The following RGS7 variants were observed in gnomAD, a reference collection of about 807,000 sequenced individuals.
RGS7 encodes the protein regulator of G-protein signaling 7.
A neutral mutation model predicts 81.1 loss-of-function variants in RGS7; 27 were observed. The observed-to-expected ratio is 0.33, with a 90% confidence interval of 0.25 to 0.46. The LOEUF is 0.46. Ranked by LOEUF, RGS7 falls within the 20% of genes least tolerant of loss-of-function variation. The pLI is 1.00. For missense variants in RGS7, 396 were observed against 607.4 expected (o/e 0.65, Z 3.66); for synonymous variants, 208 against 207.7 (o/e 1.00, Z -0.01).
intron 2 of RGS7, among the ~76,000 whole-genome samples, chr1:241,113,998 TTA>T (rs1357336829): frequency 6.6e-6 from 1 of 152,234 alleles, no homozygotes; most frequent in Non-Finnish European, 1.5e-5. Flanking sequence ...AGGATAAATA[TTA>T]GTTTAATTAC....
intron 11 of RGS7, among the ~76,000 whole-genome samples, chr1:240,815,300 C>G (rs560060276): frequency 6.6e-6 from 1 of 152,150 alleles, no homozygotes; most frequent in African/African-American, 2.4e-5. Context: ...TGAGATCACA[C>G]CACTGCACTC....
chr1:240,943,845 C>G (rs2148405449), intron 4 of RGS7, among the ~76,000 whole-genome samples: 2 of 152,066 alleles, frequency 1.3e-5, no homozygotes, highest in South Asian at 4.2e-4. Context: ...GTGAGGACAC[C>G]CTGAACCTGA....
At chr1:240,998,355 T>C (rs950661306) in intron 3 of RGS7, 6 of 492,922 alleles carry the variant, frequency 1.2e-5, no homozygotes, top group Non-Finnish European at 2.2e-5. Context: ...TTTATATCTT[T>C]GCTATGCTTG....
chr1:240,781,752 C>T (rs1364513303), intron 18 of RGS7, among the ~76,000 whole-genome samples: 2 of 151,510 alleles, frequency 1.3e-5, no homozygotes, highest in Non-Finnish European at 2.9e-5. Flanking sequence ...TGGTGGCCCA[C>T]GCCTGTAATC....
intron 2 of RGS7, among the ~76,000 whole-genome samples, chr1:241,225,933 G>A (rs536551637): frequency 6.6e-6 from 1 of 152,226 alleles, no homozygotes; most frequent in Non-Finnish European, 1.5e-5. Flanking sequence ...TTGATCCTTT[G>A]GTACTAAACA....
chr1:241,308,547 G>A (rs2080310746), intron 2 of RGS7, among the ~76,000 whole-genome samples: 1 of 152,200 alleles, frequency 6.6e-6, no homozygotes, highest in Non-Finnish European at 1.5e-5. Context: ...AGAGAAGACT[G>A]TGCCCAGCTG....
intron 2 of RGS7, among the ~76,000 whole-genome samples, chr1:241,165,325 T>C (rs984076890): frequency 6.6e-6 from 1 of 152,270 alleles, no homozygotes; most frequent in Middle Eastern, 3.4e-3. Context: ...TTTAGACACA[T>C]GCACACGTAT....
Position 240,936,606 on chromosome 1 carries a change from C to T in RGS7, c.327G>A (p.Arg109=). The T allele has an allele frequency of 6.2e-7, 1 of 1,611,630 alleles. No individual in the cohort carries two copies. The highest frequency in any genetic ancestry group is 8.5e-7 in the Non-Finnish European group (1 of 1,177,776). The change falls in exon 5 of 19, where the codon CGG becomes CGA. Residue 109 remains arginine (R), a synonymous_variant. Coordinates refer to ENST00000440928, the MANE Select transcript of RGS7 (RefSeq NM_001364886.1). ...LTLKDDGTFY[R]FQTPYFWPSN... ...ACATTTCTAATAAACTTACTTGAAACCGGTAAAAGGTGCCATCATCCTTGA... is the reference window on the plus strand; with the variant it reads ...ACATTTCTAATAAACTTACTTGAAATCGGTAAAAGGTGCCATCATCCTTGA...
chr1:240,841,203 G>A (rs1025944345), intron 9 of RGS7, among the ~76,000 whole-genome samples: 4 of 152,208 alleles, frequency 2.6e-5, no homozygotes, highest in African/African-American at 9.7e-5. Context: ...TGGGGGTTAA[G>A]TAGTTAAAAA....
intron 9 of RGS7, among the ~76,000 whole-genome samples, chr1:240,829,112 T>C (rs1693362953): frequency 6.6e-6 from 1 of 152,180 alleles, no homozygotes; most frequent in Non-Finnish European, 1.5e-5. Context: ...GCCATAATAT[T>C]ATAATAGATA....
In RGS7 at chr1:240,924,384, T is replaced by C. The variant is rs556760265; in HGVS notation, c.385+6333A>G. On this transcript the variant is annotated intron_variant, in intron 6 of 18. Coordinates refer to ENST00000440928, the MANE Select transcript of RGS7 (RefSeq NM_001364886.1). ...CATGGGTCTGAAAACCTTCACAACA[T>C]ACTGGAGAAAAGACAGGCCTTCCAT... is the stretch of plus-strand genomic sequence containing the variant. Among the ~76,000 whole-genome samples the C allele has an allele frequency of 7.2e-5, 11 of 152,294 alleles. No individual in the cohort carries two copies. The East Asian group carries it at 2.1e-3, about 29-fold the overall frequency.
chr1:240,849,723 A>AC (rs1659757893), intron 9 of RGS7, among the ~76,000 whole-genome samples: 1 of 151,558 alleles, frequency 6.6e-6, no homozygotes, highest in Admixed American at 6.6e-5. Flanking sequence ...GTGCCTGCTC[A>AC]CCCCTTCGCC....
At chr1:240,878,912 T>A (rs1665928718) in intron 6 of RGS7, among the ~76,000 whole-genome samples, 1 of 146,902 alleles carries the variant, frequency 6.8e-6, no homozygotes, top group Admixed American at 6.6e-5. Flanking sequence ...ATACACAAGT[T>A]TTTTTTCTTT....
intron 9 of RGS7, among the ~76,000 whole-genome samples, chr1:240,857,994 G>T (rs1661464629): frequency 6.6e-6 from 1 of 152,128 alleles, no homozygotes; most frequent in Non-Finnish European, 1.5e-5. Flanking sequence ...TGCCATGATT[G>T]TAAGTTTCCT....
chr1:241,083,254 GAAACAAAACA>G (rs149562159), intron 3 of RGS7, among the ~76,000 whole-genome samples: 248 of 142,134 alleles, frequency 1.7e-3, no homozygotes, highest in East Asian at 3.9e-3. Context: ...AAAAGAAAAA[GAAACAAAACA>G]AAACAAAACA....
chr1:241,273,573 A>G (rs1453825497), intron 2 of RGS7, among the ~76,000 whole-genome samples: 1 of 152,090 alleles, frequency 6.6e-6, no homozygotes, highest in African/African-American at 2.4e-5. Context: ...CTCTCTTAGC[A>G]TTACTGTCTG....
Position 240,776,010 on chromosome 1 carries a change from C to A in RGS7, c.*210G>T. On this transcript the variant is annotated 3_prime_UTR_variant, in exon 19 of 19. Coordinates refer to ENST00000440928, the MANE Select transcript of RGS7 (RefSeq NM_001364886.1). Reference sequence around the variant, plus strand: ...AATGGAGGCATTGAGACGGAAGAGTCCATTGGAGATGGAATGTACACACAA... The same window carrying A: ...AATGGAGGCATTGAGACGGAAGAGTACATTGGAGATGGAATGTACACACAA... 1 of 700,530 alleles carries A rather than the reference C, an allele frequency of 1.4e-6. No individual in the cohort carries two copies. The highest frequency in any genetic ancestry group is 1.5e-5 in the South Asian group (1 of 65,332). The allele number at this position is 700,530 out of a possible 1,614,324, so 43.4% of individuals were successfully genotyped here.
intron 2 of RGS7, among the ~76,000 whole-genome samples, chr1:241,319,919 C>A (rs143391049): frequency 0.018 from 2,784 of 151,966 alleles, 78 homozygotes; most frequent in African/African-American, 0.064. Flanking sequence ...GATGAAACCC[C>A]GTCTCTACTA....
intron 16 of RGS7, 102 bp from the exon 17 acceptor site, chr1:240,801,610 T>A: frequency 1.2e-6 from 1 of 817,668 alleles, no homozygotes; most frequent in Non-Finnish European, 2.1e-6. Flanking sequence ...GATAATGAAA[T>A]GATGCAACAC....
Sources: allele counts gnomAD v4.1 joint callset (sites outside exome capture counted in the v4.1 genomes callset), GRCh38; gene constraint gnomAD v4.1.1; transcripts MANE v1.5; gene names NCBI Gene and HGNC (gene_info 2026-07-23, HGNC 2026-07-21).